ZW10: variants seen among roughly 807,000 people sequenced by gnomAD.
The protein encoded by ZW10 is zw10 kinetochore protein.
A neutral mutation model predicts 87.8 loss-of-function variants in ZW10; 53 were observed. The observed-to-expected ratio is 0.60, with a 90% CI of 0.48 to 0.76. The LOEUF is 0.76. Ranked by LOEUF, ZW10 falls within the 30% of genes least tolerant of loss-of-function variation. ZW10 has a pLI of 0.00. For missense variants in ZW10, 837 were observed against 923.0 expected (o/e 0.91, Z 1.21); for synonymous variants, 312 against 329.2 (o/e 0.95, Z 0.57).
At chr11:113,763,440 AT>A (rs1282757917) in intron 2 of ZW10, among the ~76,000 whole-genome samples, 1 of 152,244 alleles carries the variant, frequency 6.6e-6, no homozygotes, top group Non-Finnish European at 1.5e-5. Context: ...AGGAATCACC[AT>A]ACTGTCTTCC....
rs187848223 is a variant in ZW10, at chr11:113,760,083, G to A, written c.580+126C>T. 69 of 1,176,872 alleles carry A rather than the reference G, an allele frequency of 5.9e-5. No individual in the cohort carries two copies. In the East Asian group the frequency reaches 1.2e-3, roughly 21 times the overall value. The allele number at this position is 1,176,872 out of a possible 1,614,324, so 72.9% of individuals were successfully genotyped here. On this transcript the variant is annotated intron_variant, in intron 5 of 15. Transcript: ENST00000200135. ...AAGAAAGCATCTTGCTAACATGAGT[G>A]CTCAATACAGACATGGAAGATTATG...
At position 113,748,401 on chromosome 11, in the gene ZW10, G is replaced by A; in HGVS notation, c.945C>T (p.Asp315=). Residue 315 remains aspartate, a synonymous_variant, in exon 8 of 16, where the codon GAC becomes GAT. Coordinates refer to ENST00000200135, the MANE Select transcript of ZW10 (RefSeq NM_004724.4). ...KQLLDLPLDT[D]LENEKTSTVP... ...CAGTAGATGTTTTTTCATTTTCCAG[G>A]TCAGTGTCAAGTGGCAAATCTGAAT... 6.3e-7 allele frequency: 1 copy of A among 1,599,160 alleles called. No individual in the cohort carries two copies. The highest frequency in any genetic ancestry group is 8.5e-7 in the Non-Finnish European group (1 of 1,175,090).
Position 113,737,551 on chromosome 11 carries a change from GTAGCATC to G in ZW10, c.2016+14_2016+20del, listed in dbSNP as rs1953567204. The stretch of plus-strand genomic sequence containing the variant: ...ACATGAATTGCATCTCAAGGCTAGT[GTAGCATC>G]TAATGGCCCTTACCTCTAGGGCAGT... On this transcript the variant is annotated intron_variant, in intron 14 of 15. Coordinates refer to ENST00000200135, the MANE Select transcript of ZW10 (RefSeq NM_004724.4). The G allele has an allele frequency of 1.9e-6, 3 of 1,566,832 alleles. No individual in the cohort carries two copies. The Admixed American group carries it at 5.2e-5, about 27-fold the overall frequency.
intron 5 of ZW10, 35 bp downstream of exon 5, chr11:113,760,174 A>G: frequency 6.2e-7 from 1 of 1,601,884 alleles, no homozygotes; most frequent in Non-Finnish European, 8.5e-7. Flanking sequence ...GTTCAGGCAG[A>G]TGAAGCAAAG....
chr11:113,755,723 G>A (rs1953776312), intron 7 of ZW10, among the ~76,000 whole-genome samples: 1 of 152,132 alleles, frequency 6.6e-6, no homozygotes, highest in African/African-American at 2.4e-5. Context: ...GTCAATTGAT[G>A]AGGCAAGCTT....
chr11:113,742,799 G>C (rs930057982), intron 10 of ZW10, among the ~76,000 whole-genome samples: 2 of 152,144 alleles, frequency 1.3e-5, no homozygotes, highest in African/African-American at 4.8e-5. Context: ...ATGGACATGT[G>C]AATGTAATGA....
chr11:113,757,115 A>AG (rs1280254682), intron 7 of ZW10, among the ~76,000 whole-genome samples: 1 of 152,172 alleles, frequency 6.6e-6, no homozygotes, highest in African/African-American at 2.4e-5. Context: ...CTTAAAAAAA[A>AG]AAAAAAGCAG....
At chr11:113,763,671 G>C (rs553225447) in intron 2 of ZW10, among the ~76,000 whole-genome samples, 9 of 152,300 alleles carry the variant, frequency 5.9e-5, no homozygotes, top group African/African-American at 2.2e-4. Context: ...CTTTTGAGAA[G>C]TGTCTGTTAA....
Position 113,760,287 on chromosome 11 carries a change from T to C in ZW10, c.502A>G (p.Ile168Val). The change falls in exon 5 of 16, where the codon ATA (isoleucine) becomes GTA (valine). Residue 168 changes from isoleucine (I) to valine (V), a missense_variant. Ile to Val is a conservative substitution (Grantham distance 29). Coordinates refer to ENST00000200135, the MANE Select transcript of ZW10 (RefSeq NM_004724.4). ...TGATAAAGTATGTTCTGTTTCTGTA[T>C]TGTGAGCTCCATGCTGAGAGATTTC... Reference protein sequence around the residue: ...ILKSLSMELTIQKQNILYHLG... With the variant: ...ILKSLSMELTVQKQNILYHLG... 6.2e-7 allele frequency: 1 copy of C among 1,614,138 alleles called. No individual in the cohort carries two copies. Among genetic ancestry groups the C allele is most frequent in the Non-Finnish European group, 8.5e-7 (1 of 1,180,018 alleles).
At position 113,758,557 on chromosome 11, in the gene ZW10, ATGATTTAAGCT is replaced by A. The variant is rs1953822509; in HGVS notation, c.719_729del (p.Lys240IlefsTer11). The A allele has an allele frequency of 3.7e-6, 6 of 1,613,138 alleles. No homozygotes were observed. On this transcript the variant is annotated frameshift_variant, in exon 6 of 16. Transcript: ENST00000200135. LOFTEE classifies it high-confidence loss of function. ...GAAACAAAGTAGCATGCCTTACCAA[ATGATTTAAGCT>A]TGCTGTGTAGTTCTCCAAGAACAGA... is the stretch of plus-strand genomic sequence containing the variant.
At chr11:113,772,991 T>C (rs1223790773) in intron 1 of ZW10, among the ~76,000 whole-genome samples, 2 of 149,824 alleles carry the variant, frequency 1.3e-5, no homozygotes, top group Non-Finnish European at 3.0e-5. Context: ...GATAGATAGA[T>C]ACATAAAAAT....
intron 1 of ZW10, chr11:113,770,483 G>A (rs1953952699): frequency 6.6e-6 from 1 of 151,344 alleles, no homozygotes; most frequent in Non-Finnish European, 1.5e-5. Flanking sequence ...AGATGCATAT[G>A]GCTTGTCAGA....
chr11:113,748,536 A>C, intron 7 of ZW10, 116 bp from the exon 8 acceptor site: 1 of 821,852 alleles, frequency 1.2e-6, no homozygotes, highest in Non-Finnish European at 1.8e-6. Flanking sequence ...CAGCACAGAT[A>C]ATTCCACAGC....
chr11:113,763,395 C>T (rs1953882105), intron 2 of ZW10, among the ~76,000 whole-genome samples: 1 of 152,174 alleles, frequency 6.6e-6, no homozygotes, highest in South Asian at 2.1e-4. Context: ...AATGGGACTG[C>T]TGGGTCAAAT....
intron 1 of ZW10, 61 bp downstream of exon 1, chr11:113,773,501 G>C: frequency 6.9e-7 from 1 of 1,454,832 alleles, no homozygotes. Flanking sequence ...CCTCTCTCCA[G>C]TCCCTTCACA....
chr11:113,749,010 T>C (rs1318286844), intron 7 of ZW10, among the ~76,000 whole-genome samples: 2 of 152,160 alleles, frequency 1.3e-5, no homozygotes, highest in African/African-American at 4.8e-5. Flanking sequence ...TAAAAGAGAC[T>C]AGCTGTTATG....
At chr11:113,769,952 T>C (rs1953946682) in intron 1 of ZW10, 2 of 259,110 alleles carry the variant, frequency 7.7e-6, no homozygotes, top group Non-Finnish European at 1.6e-5. Flanking sequence ...GTGGGTGGGA[T>C]ACTGCCTGAT....
At chr11:113,744,819 G>A (rs1953663336) in intron 9 of ZW10, among the ~76,000 whole-genome samples, 1 of 152,158 alleles carries the variant, frequency 6.6e-6, no homozygotes, top group Admixed American at 6.5e-5. Flanking sequence ...ACTTCCCAAA[G>A]TGCATGGATT....
chr11:113,736,228 T>C (rs1440140268), intron 15 of ZW10, among the ~76,000 whole-genome samples: 6 of 151,976 alleles, frequency 3.9e-5, no homozygotes, highest in African/African-American at 9.7e-5. Flanking sequence ...TGAGGAATGA[T>C]TGAGCCACTG....
Sources: allele counts gnomAD v4.1 joint callset (sites outside exome capture counted in the v4.1 genomes callset), GRCh38; gene constraint gnomAD v4.1.1; transcripts MANE v1.5; gene names NCBI Gene and HGNC (gene_info 2026-07-23, HGNC 2026-07-21).